The following TNRC6B variants were observed in gnomAD, a reference collection of about 807,000 sequenced individuals.
TNRC6B encodes the protein trinucleotide repeat-containing gene 6B protein.
TNRC6B carries 52 observed loss-of-function variants against 203.6 expected under a neutral mutation model. The ratio of observed to expected loss-of-function variants is 0.26; its 90% CI spans 0.20 to 0.32. The LOEUF is 0.32. TNRC6B is among the 10% of genes least tolerant of loss of function. The pLI, the probability that TNRC6B is intolerant of heterozygous loss-of-function variation, is 1.00. For synonymous variants in TNRC6B, 838 were observed against 845.7 expected (o/e 0.99, Z 0.16); for missense variants, 1,923 against 2,286.2 (o/e 0.84, Z 3.24).
At chr22:40,085,527 AT>A (rs1209599998) in intron 1 of TNRC6B, among the ~76,000 whole-genome samples, 2 of 152,224 alleles carry the variant, frequency 1.3e-5, no homozygotes, top group Non-Finnish European at 2.9e-5. Flanking sequence ...AGTTTCTTAC[AT>A]TCTGGATTTT....
chr22:40,160,491 AG>A (rs1406376407), intron 4 of TNRC6B, among the ~76,000 whole-genome samples: 1 of 151,478 alleles, frequency 6.6e-6, no homozygotes. Context: ...AAAAAAAAAA[AG>A]AGATATTTTG....
At chr22:40,066,928 AGAGTTTCAC>A (rs2146276576) in intron 1 of TNRC6B, among the ~76,000 whole-genome samples, 1 of 148,998 alleles carries the variant, frequency 6.7e-6, no homozygotes, top group South Asian at 2.1e-4. Context: ...TTTTTGAGAC[AGAGTTTCAC>A]TCTGTCACCA....
At chr22:40,236,589 G>T (rs2069950627) in intron 1 of TNRC6B, among the ~76,000 whole-genome samples, 1 of 152,186 alleles carries the variant, frequency 6.6e-6, no homozygotes, top group African/African-American at 2.4e-5. Context: ...TGATCACAGG[G>T]TGTCAGGGAT....
chr22:40,266,896 T>C lies in TNRC6B; in HGVS notation c.2666T>C (p.Ile889Thr). The change falls in exon 5 of 23, where the codon ATT (isoleucine) becomes ACT (threonine). Residue 889 changes from isoleucine (I) to threonine (T), a missense_variant. Ile to Thr is a moderately conservative substitution (Grantham distance 89, BLOSUM62 -1). This residue lies in a region of TNRC6B where 599 missense variants were observed against 656.5 expected (regional missense o/e 0.91). Coordinates refer to ENST00000454349, the MANE Select transcript of TNRC6B (RefSeq NM_001162501.2). ...CAGTCAATTAGTCGGAAAATGGACA[T>C]TGATGATGGCACTTCAGCATGGGGA... is the stretch of plus-strand genomic sequence containing the variant. Reference protein sequence around the residue: ...SPQSISRKMDIDDGTSAWGDP... With the variant: ...SPQSISRKMDTDDGTSAWGDP... The C allele has an allele frequency of 1.9e-6, 3 of 1,613,998 alleles. No individual in the cohort carries two copies. The highest frequency in any genetic ancestry group is 2.5e-6 in the Non-Finnish European group (3 of 1,179,900).
At chr22:40,165,075 C>G (rs990416867) in intron 4 of TNRC6B, among the ~76,000 whole-genome samples, 19 of 150,922 alleles carry the variant, frequency 1.3e-4, no homozygotes, top group African/African-American at 4.4e-4. Context: ...AGCCACCGCA[C>G]CCACCCCTCC....
intron 12 of TNRC6B, among the ~76,000 whole-genome samples, chr22:40,295,179 G>A (rs1293567984): frequency 1.3e-5 from 2 of 152,112 alleles, no homozygotes; most frequent in Admixed American, 6.6e-5. Flanking sequence ...CTAGAAGAGT[G>A]TCAAAGAAAA....
At chr22:40,128,923 A>C (rs953585285) in intron 3 of TNRC6B, among the ~76,000 whole-genome samples, 5 of 152,206 alleles carry the variant, frequency 3.3e-5, no homozygotes, top group African/African-American at 1.2e-4. Context: ...AGTGGGAGAC[A>C]TGAATAAATA....
In TNRC6B at chr22:40,251,171, T is replaced by C; in HGVS notation, c.94-8T>C. 6.5e-7 allele frequency: 1 copy of C among 1,534,632 alleles called. No homozygotes were observed. The highest frequency in any genetic ancestry group is 8.8e-7 in the Non-Finnish European group (1 of 1,137,436). On this transcript the variant is annotated splice_polypyrimidine_tract_variant and splice_region_variant and intron_variant, in intron 2 of 22. Coordinates refer to ENST00000454349, the MANE Select transcript of TNRC6B (RefSeq NM_001162501.2). Reference sequence around the variant, plus strand: ...AATCTCATTTACTTTTATCTGTTTATTTTGCAGGTCACGGAACAAAAAACC... The same window carrying C: ...AATCTCATTTACTTTTATCTGTTTACTTTGCAGGTCACGGAACAAAAAACC...
At chr22:40,098,384 CAAAAAAAAA>C (rs1056495905) in intron 1 of TNRC6B, among the ~76,000 whole-genome samples, 115 of 51,494 alleles carry the variant, frequency 2.2e-3, no homozygotes, top group African/African-American at 5.6e-3. Flanking sequence ...GACTCCGTCT[CAAAAAAAAA>C]AAAAAAAAAA....
At chr22:40,129,420 C>G (rs1004878202) in intron 3 of TNRC6B, among the ~76,000 whole-genome samples, 1 of 152,054 alleles carries the variant, frequency 6.6e-6, no homozygotes, top group Non-Finnish European at 1.5e-5. Context: ...TGCAGCTGTT[C>G]GGGTAGGACT....
chr22:40,258,755 G>T (rs1244870761), intron 3 of TNRC6B, among the ~76,000 whole-genome samples: 1 of 152,160 alleles, frequency 6.6e-6, no homozygotes, highest in Non-Finnish European at 1.5e-5. Context: ...CTCTGATGTG[G>T]TGGGAAAGTG....
chr22:40,292,905 C>A (rs1192676895), intron 12 of TNRC6B, among the ~76,000 whole-genome samples: 6 of 152,322 alleles, frequency 3.9e-5, no homozygotes, highest in East Asian at 1.9e-4. Flanking sequence ...TCTTTATATT[C>A]TTTCTGCATG....
chr22:40,160,972 A>T (rs1264652653), intron 4 of TNRC6B, among the ~76,000 whole-genome samples: 2 of 151,832 alleles, frequency 1.3e-5, no homozygotes, highest in Middle Eastern at 3.4e-3. Flanking sequence ...ATTTATATAT[A>T]TTTTCCTTTT....
At chr22:40,191,939 C>T (rs536499149) in intron 1 of TNRC6B, among the ~76,000 whole-genome samples, 21 of 152,210 alleles carry the variant, frequency 1.4e-4, no homozygotes, top group African/African-American at 4.1e-4. Flanking sequence ...TTAGTAGAGA[C>T]GGGGTTTCGC....
At chr22:40,232,578 C>T (rs1405802991) in intron 1 of TNRC6B, among the ~76,000 whole-genome samples, 1 of 152,172 alleles carries the variant, frequency 6.6e-6, no homozygotes, top group East Asian at 1.9e-4. Flanking sequence ...TGCTGAGCTG[C>T]CCAGCTCTAG....
At chr22:40,081,036 AGTGT>A (rs1411434901) in intron 1 of TNRC6B, among the ~76,000 whole-genome samples, 1 of 151,508 alleles carries the variant, frequency 6.6e-6, no homozygotes, top group Non-Finnish European at 1.5e-5. Flanking sequence ...TTGCATTTTT[AGTGT>A]GTGGGGGGGT....
intron 10 of TNRC6B, among the ~76,000 whole-genome samples, chr22:40,280,760 C>A (rs2070712306): frequency 6.6e-6 from 1 of 152,222 alleles, no homozygotes; most frequent in South Asian, 2.1e-4. Context: ...ACTGTTGTTG[C>A]TGGTCCAGAC....
At chr22:40,280,459 T>A (rs1016525113) in intron 10 of TNRC6B, among the ~76,000 whole-genome samples, 1 of 152,260 alleles carries the variant, frequency 6.6e-6, no homozygotes, top group South Asian at 2.1e-4. Flanking sequence ...AAAATAAATT[T>A]TGGGATTTTG....
In TNRC6B at chr22:40,297,770, C is replaced by T. The variant is rs548859190; in HGVS notation, c.3709-2685C>T. On this transcript the variant is annotated intron_variant, in intron 12 of 22. Transcript: ENST00000454349. ...CCAGGAGGTGGAGCTTGCAGTGAGG[C>T]GAGATCACACCACTGCACTCCAGCC... is the stretch of plus-strand genomic sequence containing the variant. 1.6e-4 allele frequency among the ~76,000 whole-genome samples: 24 copies of T among 151,536 alleles called. No homozygotes were observed. The South Asian group carries it at 4.8e-3, about 30-fold the overall frequency.
Sources: allele counts gnomAD v4.1 joint callset (sites outside exome capture counted in the v4.1 genomes callset), GRCh38; gene constraint gnomAD v4.1.1; regional missense constraint gnomAD v4.1.1; transcripts MANE v1.5; gene names NCBI Gene and HGNC (gene_info 2026-07-23, HGNC 2026-07-21).